AK9: variants seen among roughly 807,000 people sequenced by gnomAD.
The protein encoded by AK9 is adenylate kinase domain containing 1.
Under a neutral mutation model 239.6 loss-of-function variants are expected in AK9, and 191 were observed. The ratio of observed to expected loss-of-function variants is 0.80; its 90% CI spans 0.71 to 0.90. AK9 has a LOEUF of 0.90. AK9 is among the 40% of genes least tolerant of loss of function. The probability of loss-of-function intolerance (pLI) is 0.00; values close to 1 mark genes in which losing one functional copy is unlikely to be tolerated. For missense variants in AK9, 1,995 were observed against 2,214.7 expected, an observed-to-expected ratio of 0.90 and a Z score of 1.99; for synonymous variants, 689 against 721.0, an observed-to-expected ratio of 0.96 and a Z score of 0.71.
intron 15 of AK9, among the ~76,000 whole-genome samples, chr6:109,613,164 A>T (rs1489072270): frequency 1.3e-5 from 2 of 151,448 alleles, no homozygotes; most frequent in Admixed American, 6.6e-5. Context: ...GTGAAGGAAG[A>T]AAGCAACAAA....
At chr6:109,684,100 C>G (rs1277220214) in intron 1 of AK9, among the ~76,000 whole-genome samples, 3 of 152,188 alleles carry the variant, frequency 2.0e-5, no homozygotes, top group African/African-American at 7.2e-5. Flanking sequence ...CACCACACAT[C>G]TACAACCATC....
intron 17 of AK9, among the ~76,000 whole-genome samples, chr6:109,593,065 T>G (rs936682613): frequency 3.3e-5 from 5 of 152,160 alleles, no homozygotes; most frequent in African/African-American, 1.2e-4. Context: ...ATTACTTTTC[T>G]TTCTTTATTT....
intron 40 of AK9, 24 bp downstream of exon 40, chr6:109,493,957 A>C: frequency 6.6e-7 from 1 of 1,510,176 alleles, no homozygotes; most frequent in Non-Finnish European, 9.2e-7. Flanking sequence ...TGTTCTGAGT[A>C]GTAAATAATT....
intron 1 of AK9, among the ~76,000 whole-genome samples, chr6:109,676,669 T>C (rs1771798632): frequency 6.6e-6 from 1 of 152,132 alleles, no homozygotes; most frequent in African/African-American, 2.4e-5. Context: ...TTCTTCTAAA[T>C]ATTACTTGAT....
At chr6:109,513,857 T>C (rs1236845722) in intron 32 of AK9, among the ~76,000 whole-genome samples, 2 of 152,144 alleles carry the variant, frequency 1.3e-5, no homozygotes, top group East Asian at 1.9e-4. Context: ...TGTTAAGGAA[T>C]TCCTTAAGCA....
chr6:109,670,001 G>T (rs934522338), intron 5 of AK9, among the ~76,000 whole-genome samples: 2 of 152,198 alleles, frequency 1.3e-5, no homozygotes, highest in African/African-American at 4.8e-5. Context: ...CCTAGGACAA[G>T]TATCGGCATA....
At position 109,576,420 on chromosome 6, in the gene AK9, C is replaced by CTTTTTTTTTTTTTTTTTTTTT. The variant is rs3060763; in HGVS notation, c.2192-2827_2192-2826insAAAAAAAAAAAAAAAAAAAAA. Reference sequence around the variant, plus strand: ...GGTTAGGTGTATATACATATATATACTTTTTTTTTTTTTTTTTGCAGCTGT... The same window carrying CTTTTTTTTTTTTTTTTTTTTT: ...GGTTAGGTGTATATACATATATATACTTTTTTTTTTTTTTTTTTTTTTTTTTTTTTTTTTTTTTGCAGCTGT... On this transcript the variant is annotated intron_variant, in intron 20 of 40. Transcript: ENST00000424296. 6.8e-5 allele frequency among the ~76,000 whole-genome samples: 7 copies of CTTTTTTTTTTTTTTTTTTTTT among 103,478 alleles called. 2 individuals are homozygous for CTTTTTTTTTTTTTTTTTTTTT. Among genetic ancestry groups the CTTTTTTTTTTTTTTTTTTTTT allele is most frequent in the Non-Finnish European group, 2.0e-5 (1 of 51,216 alleles). The allele number at this position is 103,478 out of a possible 152,430, so 67.9% of individuals were successfully genotyped here.
At chr6:109,637,228 A>G (rs1301346577) in intron 10 of AK9, among the ~76,000 whole-genome samples, 1 of 152,090 alleles carries the variant, frequency 6.6e-6, no homozygotes, top group East Asian at 1.9e-4. Flanking sequence ...TCCTTTGCCC[A>G]TTTTTGAACT....
chr6:109,560,600 T>C (rs1785629467), intron 24 of AK9, among the ~76,000 whole-genome samples: 1 of 152,234 alleles, frequency 6.6e-6, no homozygotes. Context: ...ACCTTGAATT[T>C]CCAAGATAAG....
At chr6:109,557,600 A>G (rs991217122) in intron 24 of AK9, among the ~76,000 whole-genome samples, 25 of 152,186 alleles carry the variant, frequency 1.6e-4, no homozygotes, top group African/African-American at 6.0e-4. Context: ...GGAGAGGCTA[A>G]GTCTGCTGGT....
chr6:109,533,661 T>C (rs1455565649), intron 27 of AK9, among the ~76,000 whole-genome samples, 191 bp from the exon 28 acceptor site: 1 of 152,178 alleles, frequency 6.6e-6, no homozygotes, highest in Non-Finnish European at 1.5e-5. Context: ...TTGATAAATA[T>C]CAACTATCTG....
intron 24 of AK9, among the ~76,000 whole-genome samples, chr6:109,553,905 C>A (rs773694684): frequency 7.9e-5 from 12 of 152,150 alleles, no homozygotes; most frequent in Admixed American, 2.6e-4. Flanking sequence ...GAGTTTTTAA[C>A]ATGAAGTGAT....
At chr6:109,671,219 TACTA>T (rs1770835795) in intron 5 of AK9, among the ~76,000 whole-genome samples, 1 of 152,242 alleles carries the variant, frequency 6.6e-6, no homozygotes, top group Non-Finnish European at 1.5e-5. Flanking sequence ...TCTTCTAACT[TACTA>T]AGAATATAAA....
At chr6:109,688,350 G>A (rs903199362) in intron 1 of AK9, among the ~76,000 whole-genome samples, 5 of 152,176 alleles carry the variant, frequency 3.3e-5, no homozygotes, top group Admixed American at 6.5e-5. Context: ...CCTAATATGG[G>A]CTTGTTTTTC....
chr6:109,617,749 GA>G (rs1583275550), intron 13 of AK9, among the ~76,000 whole-genome samples: 1 of 152,036 alleles, frequency 6.6e-6, no homozygotes, highest in Non-Finnish European at 1.5e-5. Context: ...AACATGAATA[GA>G]AAAAAAGAGA....
At chr6:109,655,594 C>T (rs1414665478) in intron 8 of AK9, among the ~76,000 whole-genome samples, 1 of 152,160 alleles carries the variant, frequency 6.6e-6, no homozygotes, top group Non-Finnish European at 1.5e-5. Context: ...TGCTGATGAA[C>T]ATTTGTTAAA....
At chr6:109,592,847 T>C (rs1790472012) in intron 17 of AK9, among the ~76,000 whole-genome samples, 1 of 152,144 alleles carries the variant, frequency 6.6e-6, no homozygotes, top group Non-Finnish European at 1.5e-5. Flanking sequence ...TATGCCTTGG[T>C]GAGGTACTTC....
intron 17 of AK9, among the ~76,000 whole-genome samples, chr6:109,593,950 A>G (rs1372606935): frequency 6.6e-6 from 1 of 152,210 alleles, no homozygotes; most frequent in Non-Finnish European, 1.5e-5. Flanking sequence ...TCTGAAAACC[A>G]GCACAAGACA....
At chr6:109,583,424 A>C (rs973583379) in intron 19 of AK9, among the ~76,000 whole-genome samples, 5 of 152,192 alleles carry the variant, frequency 3.3e-5, no homozygotes, top group Non-Finnish European at 7.3e-5. Context: ...TATTTGATCA[A>C]GATGCAGTTC....
Sources: allele counts gnomAD v4.1 joint callset (sites outside exome capture counted in the v4.1 genomes callset), GRCh38; gene constraint gnomAD v4.1.1; transcripts MANE v1.5; gene names NCBI Gene and HGNC (gene_info 2026-07-23, HGNC 2026-07-21).